The following ZNF571 variants were observed in gnomAD, a reference collection of about 807,000 sequenced individuals.
The protein encoded by ZNF571 is zinc finger protein 571.
Under a neutral mutation model 7.7 loss-of-function variants are expected in ZNF571, and 4 were observed. That is an observed-to-expected ratio of 0.52 (90% CI 0.25 to 1.18). The LOEUF is 1.18. Ranked by LOEUF, ZNF571 falls within the 50% of genes most tolerant of loss-of-function variation. The pLI is 0.14. For synonymous variants in ZNF571, 251 were observed against 232.4 expected (o/e 1.08, Z -0.73); for missense variants, 704 against 726.9 (o/e 0.97, Z 0.36).
chr19:37,567,622 T>G (rs2042906105), intron 3 of ZNF571: 1 of 152,212 alleles, frequency 6.6e-6, no homozygotes, highest in East Asian at 1.9e-4. Flanking sequence ...TTTTAGATTT[T>G]CCATATGCTG....
intron 3 of ZNF571, among the ~76,000 whole-genome samples, chr19:37,575,120 G>A (rs144266599): frequency 7.9e-4 from 120 of 152,294 alleles, no homozygotes; most frequent in Non-Finnish European, 1.4e-3. Flanking sequence ...TGAAGCTGAT[G>A]TTCCACTTAA....
chr19:37,577,768 G>A (rs536154654), intron 3 of ZNF571, among the ~76,000 whole-genome samples: 1 of 152,094 alleles, frequency 6.6e-6, no homozygotes, highest in Non-Finnish European at 1.5e-5. Flanking sequence ...ACTCTAGGGG[G>A]GCACTCAAGA....
rs369719959 is a variant in ZNF571 at position 37,588,566 on chromosome 19, A to AAGG, written c.-69-1824_-69-1822dup. ...CTGGCAACTACTAGAGCACGGAGAG[A>AAGG]AGGAGGAGGGCAAAGGAGCAAACCT... On this transcript the variant is annotated intron_variant, in intron 1 of 3. Coordinates refer to ENST00000451802, the MANE Select transcript of ZNF571 (RefSeq NM_016536.5). 4.5e-3 allele frequency among the ~76,000 whole-genome samples: 690 copies of AAGG among 152,294 alleles called. 4 individuals are homozygous for AAGG. The highest frequency in any genetic ancestry group is 0.016 in the African/African-American group (668 of 41,562).
At chr19:37,571,819 A>C (rs2043064209) in intron 3 of ZNF571, among the ~76,000 whole-genome samples, 1 of 152,236 alleles carries the variant, frequency 6.6e-6, no homozygotes, top group East Asian at 1.9e-4. Flanking sequence ...GCCTTTTGCA[A>C]CAACTTTTTG....
In ZNF571 at chr19:37,591,086, C is replaced by T. The variant is rs2043855526; in HGVS notation, c.-70+3655G>A. ...ATAAATTCATGATTCATGATTTATA[C>T]TTTAAAAACAAGTTATTAGCTTTGT... On this transcript the variant is annotated intron_variant, in intron 1 of 3. Coordinates refer to ENST00000451802, the MANE Select transcript of ZNF571 (RefSeq NM_016536.5). Among the ~76,000 whole-genome samples the T allele has an allele frequency of 3.3e-5, 5 of 152,160 alleles. No homozygotes were observed. In the South Asian group the frequency reaches 1.0e-3, roughly 31 times the overall value.
In ZNF571 at chr19:37,594,786, A is replaced by T. The variant is rs1431720456; in HGVS notation, c.-115T>A. On this transcript the variant is annotated 5_prime_UTR_variant, in exon 1 of 4. Coordinates refer to ENST00000451802, the MANE Select transcript of ZNF571 (RefSeq NM_016536.5). ...CCGTGCGTCAAGACATAACAGCGTAAGTGTACGACGTTGCGCAGCGACGCG... is the reference window on the plus strand; with the variant it reads ...CCGTGCGTCAAGACATAACAGCGTATGTGTACGACGTTGCGCAGCGACGCG... 6.6e-6 allele frequency: 1 copy of T among 152,182 alleles called. No individual in the cohort carries two copies. The highest frequency in any genetic ancestry group is 1.9e-4 in the East Asian group (1 of 5,186). 9.4% of individuals were successfully genotyped at this position (152,182 alleles called of 1,614,324 possible). A position where few individuals can be genotyped will look rare whatever the true frequency, so the allele number is the denominator to read the frequency against.
intron 2 of ZNF571, chr19:37,586,219 T>C (rs2043668759): frequency 6.5e-6 from 1 of 154,734 alleles, no homozygotes; most frequent in African/African-American, 2.4e-5. Context: ...ATTTTCAAAC[T>C]TTCACAGAAA....
chr19:37,572,155 TA>T (rs2043083073), intron 3 of ZNF571, among the ~76,000 whole-genome samples: 1 of 152,168 alleles, frequency 6.6e-6, no homozygotes, highest in Admixed American at 6.6e-5. Flanking sequence ...CCCTATCACT[TA>T]ACTCCAAAAT....
At chr19:37,566,649 T>C (rs1335368456) in intron 3 of ZNF571, among the ~76,000 whole-genome samples, 1 of 152,120 alleles carries the variant, frequency 6.6e-6, no homozygotes, top group Non-Finnish European at 1.5e-5. Context: ...CCTGTCAACA[T>C]TAAGAATCTG....
Position 37,565,928 on chromosome 19 carries a change from GA to G in ZNF571, c.499del (p.Ser167LeufsTer184), listed in dbSNP as rs373863891. 34 of 1,613,810 alleles carry G rather than the reference GA, an allele frequency of 2.1e-5. No individual in the cohort carries two copies. Among genetic ancestry groups the G allele is most frequent in the Non-Finnish European group, 2.8e-5 (33 of 1,179,882 alleles). ...GGTATTCCTGTGTTTCTTAACTTCAGAGCATTTTTCTATATTATGATTTTCC... is the reference window on the plus strand; with the variant it reads ...GGTATTCCTGTGTTTCTTAACTTCAGGCATTTTTCTATATTATGATTTTCC... ...HEENHNIEKCSEVKKHRNTFS... is the reference protein window; with the variant it reads ...HEENHNIEKCXEVKKHRNTFS... On this transcript the variant is annotated frameshift_variant, in exon 4 of 4. Transcript: ENST00000451802. LOFTEE classifies it low-confidence loss of function (END_TRUNC).
intron 3 of ZNF571, among the ~76,000 whole-genome samples, chr19:37,571,587 G>C (rs2043053778): frequency 6.6e-6 from 1 of 152,098 alleles, no homozygotes; most frequent in Non-Finnish European, 1.5e-5. Context: ...ATGATACTTA[G>C]ACTTAAGATT....
rs1053524670 is a variant in ZNF571, at chr19:37,594,722, G to C, written c.-70+19C>G. ...AACCCAAAAGCTGCGAGCGGTTCCC[G>C]GTGAGGCCGCCCACTCACCTGGCCG... On this transcript the variant is annotated intron_variant, in intron 1 of 3. Transcript: ENST00000451802. 1 of 152,264 alleles carries C rather than the reference G, an allele frequency of 6.6e-6. No homozygotes were observed. Among genetic ancestry groups the C allele is most frequent in the Non-Finnish European group, 1.5e-5 (1 of 68,138 alleles). 9.4% of individuals were successfully genotyped at this position (152,264 alleles called of 1,614,324 possible). A position where few individuals can be genotyped will look rare whatever the true frequency, so the allele number is the denominator to read the frequency against.
rs1047393399 is a variant in ZNF571, at chr19:37,589,171, G to T, written c.-69-2426C>A. ...GCCGAGATCATGCCACTGCACTTCA[G>T]CCTGGGCGACAAGAGCCAAACTCCG... On this transcript the variant is annotated intron_variant, in intron 1 of 3. Coordinates refer to ENST00000451802, the MANE Select transcript of ZNF571 (RefSeq NM_016536.5). Among the ~76,000 whole-genome samples, 7 of 135,220 alleles carry T rather than the reference G, an allele frequency of 5.2e-5. No homozygotes were observed. In the South Asian group the frequency reaches 1.6e-3, roughly 32 times the overall value. 88.7% of individuals were successfully genotyped at this position (135,220 alleles called of 152,430 possible).
At position 37,565,180 on chromosome 19, in the gene ZNF571, C is replaced by CTCTCCGGTATGAATTCTTTGATG. The variant is rs1449327794; in HGVS notation, c.1225_1247dup (p.Glu416AspfsTer142). 1 of 1,613,228 alleles carries CTCTCCGGTATGAATTCTTTGATG rather than the reference C, an allele frequency of 6.2e-7. No individual in the cohort carries two copies. The highest frequency in any genetic ancestry group is 8.5e-7 in the Non-Finnish European group (1 of 1,179,774). ...CACATTCCTTACATTTGTAGGGCTTCTCTCCGGTATGAATTCTTTGATGTT... is the reference window on the plus strand; with the variant it reads ...CACATTCCTTACATTTGTAGGGCTTCTCTCCGGTATGAATTCTTTGATGTCTCCGGTATGAATTCTTTGATGTT... On this transcript the variant is annotated frameshift_variant, in exon 4 of 4. Coordinates refer to ENST00000451802, the MANE Select transcript of ZNF571 (RefSeq NM_016536.5). LOFTEE classifies it low-confidence loss of function (END_TRUNC).
intron 3 of ZNF571, among the ~76,000 whole-genome samples, chr19:37,570,561 G>A (rs1350120358): frequency 6.6e-6 from 1 of 152,108 alleles, no homozygotes; most frequent in Non-Finnish European, 1.5e-5. Flanking sequence ...ATTGTATTCT[G>A]TAGTCTCTTT....
rs2043255608 is a variant in ZNF571, at chr19:37,576,768, A to G, written c.136+7203T>C. ...TAGCAAAGACCCAAACTGGGAAGAA[A>G]TACCCCAATATGCTTAGCCATAAAC... On this transcript the variant is annotated intron_variant, in intron 3 of 3. Transcript: ENST00000451802. Among the ~76,000 whole-genome samples, 3 of 152,196 alleles carry G rather than the reference A, an allele frequency of 2.0e-5. 1 individual carries two copies. In the South Asian group the frequency reaches 6.2e-4, roughly 32 times the overall value.
At chr19:37,588,067 T>A in intron 1 of ZNF571, among the ~76,000 whole-genome samples, 1 of 112,910 alleles carries the variant, frequency 8.9e-6, no homozygotes, top group South Asian at 3.1e-4. Context: ...GCCACTGCAC[T>A]CCAGCCTGGG....
chr19:37,570,680 AC>A (rs1331474550), intron 3 of ZNF571, among the ~76,000 whole-genome samples: 3 of 152,176 alleles, frequency 2.0e-5, no homozygotes, highest in Non-Finnish European at 4.4e-5. Flanking sequence ...TTGGCTCTTT[AC>A]CCCTACTCAT....
At position 37,565,214 on chromosome 19, in the gene ZNF571, T is replaced by TTAGAATTAGAAA; in HGVS notation, c.1202_1213dup (p.Ile401_Ser404dup). On this transcript the variant is annotated inframe_insertion, in exon 4 of 4. Coordinates refer to ENST00000451802, the MANE Select transcript of ZNF571 (RefSeq NM_016536.5). ...ATGAATTCTTTGATGTTGAATAAGA[T>TTAGAATTAGAAA]TAGAATTAGAAATAAAGGCTTTCCC... The TTAGAATTAGAAA allele has an allele frequency of 6.2e-7, 1 of 1,613,552 alleles. No homozygotes were observed. The highest frequency in any genetic ancestry group is 8.5e-7 in the Non-Finnish European group (1 of 1,179,820).
Sources: allele counts gnomAD v4.1 joint callset (sites outside exome capture counted in the v4.1 genomes callset), GRCh38; gene constraint gnomAD v4.1.1; transcripts MANE v1.5; gene names NCBI Gene and HGNC (gene_info 2026-07-23, HGNC 2026-07-21).